Variants in ROBO1 observed in about 807,000 individuals in gnomAD.
ROBO1 encodes the protein roundabout guidance receptor 1, also known as roundabout homolog 1.
A neutral mutation model predicts 195.9 loss-of-function variants in ROBO1; 149 were observed. That is an observed-to-expected ratio of 0.76 (90% CI 0.67 to 0.87). The LOEUF (loss-of-function observed/expected upper bound fraction) is 0.87. Among genes scored for constraint, ROBO1 ranks in the 40% least tolerant of loss-of-function variants. ROBO1 has a pLI of 0.00. For synonymous variants in ROBO1, 816 were observed against 733.2 expected, an observed-to-expected ratio of 1.11 and a Z score of -1.82; for missense variants, 1,933 against 2,068.3, an observed-to-expected ratio of 0.93 and a Z score of 1.27.
At chr3:79,421,304 G>A (rs1406691082) in intron 2 of ROBO1, among the ~76,000 whole-genome samples, 1 of 151,626 alleles carries the variant, frequency 6.6e-6, no homozygotes, top group Non-Finnish European at 1.5e-5. Flanking sequence ...AAAATAATCT[G>A]TATAATAAAC....
At chr3:79,388,979 A>C (rs1442188417) in intron 2 of ROBO1, among the ~76,000 whole-genome samples, 1 of 152,102 alleles carries the variant, frequency 6.6e-6, no homozygotes, top group Non-Finnish European at 1.5e-5. Context: ...AAAAAAGTAA[A>C]CTTCATAAAG....
chr3:79,623,498 TAAAC>T (rs1352054384), intron 1 of ROBO1, among the ~76,000 whole-genome samples: 2 of 152,120 alleles, frequency 1.3e-5, no homozygotes, highest in Non-Finnish European at 2.9e-5. Flanking sequence ...AAGAGGAACA[TAAAC>T]AACCTGATGG....
chr3:79,610,151 G>A lies in ROBO1; in HGVS notation c.-50-20190C>T, dbSNP rs75500116. ...AAAACTTCTGATCATCAATACAGTCGTCTCTCTTTATCCGTGGGGGATACA... is the reference window on the plus strand; with the variant it reads ...AAAACTTCTGATCATCAATACAGTCATCTCTCTTTATCCGTGGGGGATACA... On this transcript the variant is annotated intron_variant, in intron 1 of 30. Transcript: ENST00000464233. 3.2e-3 allele frequency among the ~76,000 whole-genome samples: 481 copies of A among 151,736 alleles called. 2 individuals are homozygous for A. Among genetic ancestry groups the A allele is most frequent in the African/African-American group, 0.011 (459 of 41,448 alleles).
At chr3:78,725,960 C>A (rs1052035072) in intron 5 of ROBO1, among the ~76,000 whole-genome samples, 1 of 151,882 alleles carries the variant, frequency 6.6e-6, no homozygotes, top group African/African-American at 2.4e-5. Flanking sequence ...AGACATCACC[C>A]CCACAATGTT....
intron 2 of ROBO1, among the ~76,000 whole-genome samples, chr3:79,540,758 A>T (rs1228456651): frequency 6.6e-6 from 1 of 152,066 alleles, no homozygotes; most frequent in Non-Finnish European, 1.5e-5. Context: ...AAGTTATTTC[A>T]TTATCTTTTA....
At chr3:79,483,967 C>G (rs1444561349) in intron 2 of ROBO1, among the ~76,000 whole-genome samples, 1 of 152,072 alleles carries the variant, frequency 6.6e-6, no homozygotes, top group Non-Finnish European at 1.5e-5. Flanking sequence ...GAGGATTGAG[C>G]CTTGAGGTAC....
At chr3:79,736,381 T>C (rs1576301063) in intron 1 of ROBO1, among the ~76,000 whole-genome samples, 1 of 152,310 alleles carries the variant, frequency 6.6e-6, no homozygotes, top group South Asian at 2.1e-4. Flanking sequence ...TTGCAAAGGT[T>C]AGGCACAGGA....
At chr3:79,598,313 C>T (rs1356932939) in intron 1 of ROBO1, among the ~76,000 whole-genome samples, 1 of 151,992 alleles carries the variant, frequency 6.6e-6, no homozygotes, top group African/African-American at 2.4e-5. Context: ...CTGAAGCACA[C>T]ATCCTTTTAG....
At position 79,619,573 on chromosome 3, in the gene ROBO1, C is replaced by A. The variant is rs145622695; in HGVS notation, c.-50-29612G>T. On this transcript the variant is annotated intron_variant, in intron 1 of 30. Transcript: ENST00000464233. ...CCCAGTCTGGCTTACAGTTTTGTTC[C>A]ACGACTAGCTCTCCCCTACCTGCCC... Among the ~76,000 whole-genome samples the A allele has an allele frequency of 9.4e-3, 1,434 of 152,200 alleles. 22 individuals carry two copies. The highest frequency in any genetic ancestry group is 0.033 in the African/African-American group (1,370 of 41,522).
At chr3:78,791,705 A>C (rs1222781001) in intron 4 of ROBO1, among the ~76,000 whole-genome samples, 1 of 152,166 alleles carries the variant, frequency 6.6e-6, no homozygotes, top group African/African-American at 2.4e-5. Context: ...CTCTCTATAC[A>C]TCCATTTCTT....
At chr3:79,522,559 C>G (rs1024175415) in intron 2 of ROBO1, among the ~76,000 whole-genome samples, 1 of 152,062 alleles carries the variant, frequency 6.6e-6, no homozygotes, top group Admixed American at 6.6e-5. Flanking sequence ...TTTCCATCCA[C>G]CCAAGGAGAG....
At chr3:79,120,315 T>C (rs2080093521) in intron 3 of ROBO1, among the ~76,000 whole-genome samples, 1 of 152,100 alleles carries the variant, frequency 6.6e-6, no homozygotes, top group Non-Finnish European at 1.5e-5. Context: ...AAAAAAATTA[T>C]TATAAAAATA....
intron 4 of ROBO1, among the ~76,000 whole-genome samples, chr3:78,870,031 G>A (rs1406325492): frequency 6.6e-6 from 1 of 152,086 alleles, no homozygotes; most frequent in Non-Finnish European, 1.5e-5. Context: ...TATAGCTTTT[G>A]GAAATAAGTT....
intron 2 of ROBO1, among the ~76,000 whole-genome samples, chr3:79,309,775 A>G (rs2033397080): frequency 6.6e-6 from 1 of 152,210 alleles, no homozygotes; most frequent in Non-Finnish European, 1.5e-5. Context: ...TTAAATGAGC[A>G]TACCACTTTC....
intron 4 of ROBO1, among the ~76,000 whole-genome samples, chr3:78,801,064 C>T (rs1468112097): frequency 6.6e-6 from 1 of 152,046 alleles, no homozygotes; most frequent in Non-Finnish European, 1.5e-5. Context: ...AGTTAGAGCA[C>T]TTATTATTGT....
At chr3:78,673,574 A>ATATATAT (rs1708210052) in intron 10 of ROBO1, among the ~76,000 whole-genome samples, 2 of 42,204 alleles carry the variant, frequency 4.7e-5, no homozygotes, top group African/African-American at 1.7e-4. Context: ...ATATATATAT[A>ATATATAT]TATATATATA....
In ROBO1 at chr3:79,394,443, T is replaced by A. The variant is rs542541692; in HGVS notation, c.88+195381A>T. Among the ~76,000 whole-genome samples, 317 of 152,048 alleles carry A rather than the reference T, an allele frequency of 2.1e-3. 3 individuals are homozygous for A. The highest frequency in any genetic ancestry group is 8.4e-4 in the Non-Finnish European group (57 of 67,958). ...AATCAAATAGAATAATGTATAGTAATTACTATATGTGCATTCTGAATTATA... is the reference window on the plus strand; with the variant it reads ...AATCAAATAGAATAATGTATAGTAAATACTATATGTGCATTCTGAATTATA... On this transcript the variant is annotated intron_variant, in intron 2 of 30. Coordinates refer to ENST00000464233, the MANE Select transcript of ROBO1 (RefSeq NM_002941.4).
chr3:78,618,059 A>C lies in ROBO1; in HGVS notation c.3876-18T>G, dbSNP rs1435820179. 6.3e-7 allele frequency: 1 copy of C among 1,589,868 alleles called. No homozygotes were observed. Among genetic ancestry groups the C allele is most frequent in the Admixed American group, 1.8e-5 (1 of 56,376 alleles). On this transcript the variant is annotated intron_variant, in intron 26 of 30. Transcript: ENST00000464233. ...GCTGCCGTCTGTATGAAGATGAATA[A>C]ATAGGTCTGGCTCAGCTTGTTATTT...
At chr3:79,750,687 G>A (rs1334330708) in intron 1 of ROBO1, among the ~76,000 whole-genome samples, 11 of 152,176 alleles carry the variant, frequency 7.2e-5, no homozygotes, top group East Asian at 1.9e-4. Context: ...TGCCATCCAC[G>A]TAAGATGTGA....
Sources: allele counts gnomAD v4.1 joint callset (sites outside exome capture counted in the v4.1 genomes callset), GRCh38; gene constraint gnomAD v4.1.1; transcripts MANE v1.5; gene names NCBI Gene and HGNC (gene_info 2026-07-23, HGNC 2026-07-21).